The following LATS1 variants were observed in gnomAD, a reference collection of about 807,000 sequenced individuals.
The protein encoded by LATS1 is large tumor suppressor kinase 1.
In LATS1, 25 loss-of-function variants were observed where a neutral mutation model predicts 106.6. The ratio of observed to expected loss-of-function variants is 0.23; its 90% CI spans 0.17 to 0.33. The LOEUF (loss-of-function observed/expected upper bound fraction) is 0.33, where lower values mean the gene tolerates loss of function less well. LATS1 is among the 10% of genes least tolerant of loss of function. The pLI, the probability that LATS1 is intolerant of heterozygous loss-of-function variation, is 1.00. For missense variants in LATS1, 1,040 were observed against 1,382.6 expected, an observed-to-expected ratio of 0.75 and a Z score of 3.93; for synonymous variants, 465 against 455.6, an observed-to-expected ratio of 1.02 and a Z score of -0.26.
At chr6:149,708,407 T>C (rs554911592) in intron 1 of LATS1, among the ~76,000 whole-genome samples, 20 of 127,700 alleles carry the variant, frequency 1.6e-4, no homozygotes, top group African/African-American at 3.8e-4. Context: ...AGAGCGAGAC[T>C]GGATCTCAAA....
At chr6:149,681,691 GATTT>G (rs1244280685) in intron 4 of LATS1, among the ~76,000 whole-genome samples, 2 of 152,086 alleles carry the variant, frequency 1.3e-5, no homozygotes, top group African/African-American at 4.8e-5. Context: ...TGTAAAATCA[GATTT>G]ATTAAAATCA....
At chr6:149,687,107 T>TC (rs1022909701) in intron 3 of LATS1, among the ~76,000 whole-genome samples, 3 of 151,990 alleles carry the variant, frequency 2.0e-5, no homozygotes, top group African/African-American at 7.3e-5. Context: ...TTTTTTTTTT[T>TC]TGAGACAGAG....
At chr6:149,665,617 C>T (rs566653271) in intron 7 of LATS1, among the ~76,000 whole-genome samples, 1 of 152,250 alleles carries the variant, frequency 6.6e-6, no homozygotes. Flanking sequence ...TGCTTATGAA[C>T]TGCTGGGCTC....
At position 149,680,373 on chromosome 6, in the gene LATS1, T is replaced by C; in HGVS notation, c.2095A>G (p.Lys699Glu). 1 of 1,614,112 alleles carries C rather than the reference T, an allele frequency of 6.2e-7. No individual in the cohort carries two copies. The highest frequency in any genetic ancestry group is 8.5e-7 in the Non-Finnish European group (1 of 1,179,998). ...ESNYIRLKRAKMDKSMFVKIK... is the reference protein window; with the variant it reads ...ESNYIRLKRAEMDKSMFVKIK... Reference sequence around the variant, plus strand: ...TTCACAAACATAGACTTGTCCATTTTAGCCCTTTTAAGACGGATGTAATTA... The same window carrying C: ...TTCACAAACATAGACTTGTCCATTTCAGCCCTTTTAAGACGGATGTAATTA... Residue 699 changes from lysine (K) to glutamate (E), a missense_variant, in exon 5 of 8, where the codon AAA (lysine) becomes GAA (glutamate). By Grantham distance (56) the Lys-to-Glu change is moderately conservative (BLOSUM62 1). Transcript: ENST00000543571.
chr6:149,697,118 A>G, intron 2 of LATS1: 1 of 1,344,634 alleles, frequency 7.4e-7, no homozygotes, highest in Non-Finnish European at 9.8e-7. Context: ...AGTATTTCAA[A>G]CGACATTTTT....
rs1389459950 is a variant in LATS1, at chr6:149,658,464, T to C, written c.*3265A>G. ...TTAAGGCGCTTTACAAATATACCAA[T>C]ATTTTGACCCAAATTACTTTTTGCT... On this transcript the variant is annotated 3_prime_UTR_variant, in exon 8 of 8. Transcript: ENST00000543571. 1 of 152,206 alleles carries C rather than the reference T, an allele frequency of 6.6e-6. No homozygotes were observed. The highest frequency in any genetic ancestry group is 1.5e-5 in the Non-Finnish European group (1 of 68,024). The allele number at this position is 152,206 out of a possible 1,614,324, so 9.4% of individuals were successfully genotyped here.
intron 1 of LATS1, among the ~76,000 whole-genome samples, chr6:149,702,535 C>T (rs1374653564): frequency 6.6e-6 from 1 of 151,492 alleles, no homozygotes; most frequent in Admixed American, 6.6e-5. Flanking sequence ...TATACAAATG[C>T]CAGGGATTAT....
At chr6:149,704,664 T>C (rs543326960) in intron 1 of LATS1, among the ~76,000 whole-genome samples, 1 of 151,564 alleles carries the variant, frequency 6.6e-6, no homozygotes, top group African/African-American at 2.4e-5. Flanking sequence ...TAATTTTTTG[T>C]AAAACAAAGT....
At chr6:149,694,317 A>G (rs1782941209) in intron 3 of LATS1, among the ~76,000 whole-genome samples, 1 of 152,168 alleles carries the variant, frequency 6.6e-6, no homozygotes, top group Non-Finnish European at 1.5e-5. Flanking sequence ...AATGAAGTAT[A>G]TGATACATCT....
chr6:149,685,582 C>T (rs1044564440), intron 3 of LATS1, among the ~76,000 whole-genome samples: 28 of 152,178 alleles, frequency 1.8e-4, no homozygotes, highest in Admixed American at 5.2e-4. Context: ...GACGGGGTTT[C>T]GCCATGTTAG....
intron 3 of LATS1, among the ~76,000 whole-genome samples, chr6:149,688,245 CTCTAT>C (rs1782519792): frequency 6.6e-6 from 1 of 152,068 alleles, no homozygotes; most frequent in Non-Finnish European, 1.5e-5. Context: ...GTTCTTCCCT[CTCTAT>C]TCTTTTTCTC....
chr6:149,682,922 A>C (rs113795677), intron 4 of LATS1, 157 bp downstream of exon 4: 3 of 615,032 alleles, frequency 4.9e-6, no homozygotes, highest in Admixed American at 3.7e-5. Flanking sequence ...GCTACAATCA[A>C]AAGTACTTTA....
rs532028902 is a variant in LATS1 at position 149,714,932 on chromosome 6, CTAAA to C, written c.-141+2913_-141+2916del. ...CTTTCTTCCTGCTAAAAAATTGCTA[CTAAA>C]TAGATGGCTTATCTTAGATTTAGTG... On this transcript the variant is annotated intron_variant, in intron 1 of 7. Coordinates refer to ENST00000543571, the MANE Select transcript of LATS1 (RefSeq NM_004690.4). Among the ~76,000 whole-genome samples the C allele has an allele frequency of 1.5e-3, 230 of 152,232 alleles. 1 individual carries two copies. Among genetic ancestry groups the C allele is most frequent in the African/African-American group, 5.2e-3 (216 of 41,560 alleles).
intron 3 of LATS1, among the ~76,000 whole-genome samples, chr6:149,693,092 A>C (rs1310561443): frequency 6.6e-6 from 1 of 151,594 alleles, no homozygotes; most frequent in East Asian, 2.0e-4. Flanking sequence ...GTGAAACCCT[A>C]TCTCTACTAA....
Position 149,661,486 on chromosome 6 carries a change from G to C in LATS1, c.*243C>G. The C allele has an allele frequency of 2.6e-6, 1 of 379,006 alleles. No homozygotes were observed. Among genetic ancestry groups the C allele is most frequent in the Non-Finnish European group, 4.7e-6 (1 of 213,308 alleles). The allele number at this position is 379,006 out of a possible 1,614,324, so 23.5% of individuals were successfully genotyped here. On this transcript the variant is annotated 3_prime_UTR_variant, in exon 8 of 8. Coordinates refer to ENST00000543571, the MANE Select transcript of LATS1 (RefSeq NM_004690.4). ...TTAAGTACTTTAAGTACCAAGAACTGACTATAATATTCAGTTCATAATTTA... is the reference window on the plus strand; with the variant it reads ...TTAAGTACTTTAAGTACCAAGAACTCACTATAATATTCAGTTCATAATTTA...
chr6:149,698,451 G>T (rs1190391666), intron 2 of LATS1, among the ~76,000 whole-genome samples: 2 of 151,966 alleles, frequency 1.3e-5, no homozygotes, highest in Non-Finnish European at 2.9e-5. Flanking sequence ...TCACTATGTT[G>T]CCCAGGCTGG....
chr6:149,710,906 T>G (rs77404818), intron 1 of LATS1, among the ~76,000 whole-genome samples: 4,773 of 152,162 alleles, frequency 0.031, 265 homozygotes, highest in African/African-American at 0.11. Context: ...CAGAAGAGAA[T>G]AGAAAAAGTT....
chr6:149,711,352 G>C (rs963975267), intron 1 of LATS1, among the ~76,000 whole-genome samples: 1 of 152,114 alleles, frequency 6.6e-6, no homozygotes, highest in African/African-American at 2.4e-5. Flanking sequence ...AGACCAGCCT[G>C]GCCAATAAGG....
At chr6:149,663,310 C>G (rs1484227529) in intron 7 of LATS1, among the ~76,000 whole-genome samples, 1 of 152,088 alleles carries the variant, frequency 6.6e-6, no homozygotes, top group Non-Finnish European at 1.5e-5. Flanking sequence ...TGGTGAAACC[C>G]CATATCTACA....
Sources: allele counts gnomAD v4.1 joint callset (sites outside exome capture counted in the v4.1 genomes callset), GRCh38; gene constraint gnomAD v4.1.1; transcripts MANE v1.5; gene names NCBI Gene and HGNC (gene_info 2026-07-23, HGNC 2026-07-21).